Variants in KIF13B observed in about 807,000 individuals in gnomAD.
KIF13B encodes the protein kinesin-like protein KIF13B.
KIF13B carries 127 observed loss-of-function variants against 222.0 expected under a neutral mutation model. The ratio of observed to expected loss-of-function variants is 0.57; its 90% CI spans 0.50 to 0.66. KIF13B has a LOEUF of 0.66. KIF13B is among the 30% of genes least tolerant of loss of function. The pLI is 0.00. For missense variants in KIF13B, 2,173 were observed against 2,379.0 expected, an observed-to-expected ratio of 0.91 and a Z score of 1.80; for synonymous variants, 976 against 919.0, an observed-to-expected ratio of 1.06 and a Z score of -1.12.
intron 2 of KIF13B, among the ~76,000 whole-genome samples, chr8:29,226,761 C>T (rs1255385833): frequency 1.3e-5 from 2 of 152,198 alleles, no homozygotes; most frequent in Non-Finnish European, 2.9e-5. Flanking sequence ...TAAATTTTCA[C>T]TTTCATTTTG....
intron 2 of KIF13B, among the ~76,000 whole-genome samples, chr8:29,198,790 C>T (rs560148007): frequency 6.6e-6 from 1 of 152,234 alleles, no homozygotes; most frequent in East Asian, 1.9e-4. Context: ...GAGCTGGAGG[C>T]CACTATTCTA....
At position 29,071,074 on chromosome 8, in the gene KIF13B, T is replaced by C. The variant is rs548548513; in HGVS notation, c.5219-308A>G. On this transcript the variant is annotated intron_variant, in intron 39 of 39. Coordinates refer to ENST00000524189, the MANE Select transcript of KIF13B (RefSeq NM_015254.4). This position sits in a 1 kb window ranked among gnomAD's most constrained non-coding sequence, Gnocchi z 4.9. The stretch of plus-strand genomic sequence containing the variant: ...GGGGAGTGCCTTGTGGAAGCATAGG[T>C]GCAGGCCAGCCACTAAGGCACAACC... Among the ~76,000 whole-genome samples, 68 of 152,212 alleles carry C rather than the reference T, an allele frequency of 4.5e-4. No individual in the cohort carries two copies. Among genetic ancestry groups the C allele is most frequent in the Middle Eastern group, 6.8e-3 (2 of 294 alleles).
At chr8:29,152,100 G>A (rs1426633219) in intron 14 of KIF13B, among the ~76,000 whole-genome samples, 1 of 152,196 alleles carries the variant, frequency 6.6e-6, no homozygotes, top group Non-Finnish European at 1.5e-5. Context: ...TGCAGGTGTG[G>A]TGGAAATAGC....
At chr8:29,136,782 A>T (rs186246977) in intron 21 of KIF13B, among the ~76,000 whole-genome samples, 1 of 147,974 alleles carries the variant, frequency 6.8e-6, no homozygotes, top group East Asian at 2.0e-4. Context: ...GAAATGAAAG[A>T]GACCTGTAAC....
rs1173538016 is a variant in KIF13B at position 29,250,076 on chromosome 8, C to G, written c.56-4637G>C. 3.1e-6 allele frequency: 4 copies of G among 1,285,060 alleles called. No individual in the cohort carries two copies. In the African/African-American group the frequency reaches 6.1e-5, roughly 20 times the overall value. 79.6% of individuals were successfully genotyped at this position (1,285,060 alleles called of 1,614,324 possible). ...CCATATTGTATCAGCTGGCTCCTTACAGTCAAATCTGTATCATACACAAGC... is the reference window on the plus strand; with the variant it reads ...CCATATTGTATCAGCTGGCTCCTTAGAGTCAAATCTGTATCATACACAAGC... On this transcript the variant is annotated intron_variant, in intron 1 of 39. Coordinates refer to ENST00000524189, the MANE Select transcript of KIF13B (RefSeq NM_015254.4).
intron 1 of KIF13B, among the ~76,000 whole-genome samples, chr8:29,247,619 A>G (rs989373647): frequency 1.6e-4 from 24 of 151,996 alleles, no homozygotes; most frequent in Admixed American, 1.2e-3. Context: ...GCTTGAGCAC[A>G]GGAGTTTGAG....
At chr8:29,157,392 CAA>C (rs371702237) in intron 13 of KIF13B, among the ~76,000 whole-genome samples, 2,357 of 89,104 alleles carry the variant, frequency 0.026, 28 homozygotes, top group Admixed American at 0.03. Context: ...TCGTCTCTAC[CAA>C]AAAAAAAAAA....
intron 35 of KIF13B, 106 bp downstream of exon 35, chr8:29,108,033 G>T: frequency 1.2e-6 from 1 of 865,040 alleles, no homozygotes; most frequent in Non-Finnish European, 1.9e-6. Flanking sequence ...TAATACAGAT[G>T]AGTAGAGGAA....
At chr8:29,137,255 C>G (rs1810606413) in intron 21 of KIF13B, among the ~76,000 whole-genome samples, 1 of 152,200 alleles carries the variant, frequency 6.6e-6, no homozygotes, top group Non-Finnish European at 1.5e-5. Flanking sequence ...CGCCTATGGG[C>G]AACCTCTCAG....
At chr8:29,255,122 AG>A (rs1178413569) in intron 1 of KIF13B, among the ~76,000 whole-genome samples, 1 of 152,198 alleles carries the variant, frequency 6.6e-6, no homozygotes, top group Non-Finnish European at 1.5e-5. Flanking sequence ...AGTGGTTGCC[AG>A]GGGCTGGGAA....
intron 1 of KIF13B, among the ~76,000 whole-genome samples, chr8:29,245,856 T>C (rs1815997729): frequency 6.6e-6 from 1 of 152,118 alleles, no homozygotes; most frequent in Admixed American, 6.5e-5. Flanking sequence ...CAAGAATATA[T>C]AAAAATCAGT....
chr8:29,209,158 A>C (rs186858683), intron 2 of KIF13B, among the ~76,000 whole-genome samples: 1 of 152,214 alleles, frequency 6.6e-6, no homozygotes, highest in African/African-American at 2.4e-5. Context: ...GGTAACTTTA[A>C]AAGACACTGA....
intron 25 of KIF13B, 28 bp downstream of exon 25, chr8:29,127,094 G>A (rs767052167): frequency 1.3e-5 from 21 of 1,603,548 alleles, no homozygotes; most frequent in Admixed American, 3.4e-5. Context: ...TGTCTTTCAA[G>A]AAGAACATAA....
chr8:29,119,959 T>C (rs1158005839), intron 29 of KIF13B, among the ~76,000 whole-genome samples: 3 of 152,228 alleles, frequency 2.0e-5, no homozygotes, highest in East Asian at 1.9e-4. Flanking sequence ...CACTCATCTA[T>C]TAAGGAGAGT....
chr8:29,108,732 C>G (rs891781537), intron 34 of KIF13B, among the ~76,000 whole-genome samples: 7 of 152,208 alleles, frequency 4.6e-5, no homozygotes, highest in Non-Finnish European at 8.8e-5. Context: ...CGTGAAACTC[C>G]TCCTATCACT....
intron 1 of KIF13B, among the ~76,000 whole-genome samples, chr8:29,261,178 G>A (rs535600728): frequency 1.3e-5 from 2 of 152,270 alleles, no homozygotes; most frequent in African/African-American, 4.8e-5. Context: ...CTCTATATAG[G>A]CTAATGGAAT....
intron 34 of KIF13B, among the ~76,000 whole-genome samples, chr8:29,108,627 G>A (rs931092433): frequency 6.6e-6 from 1 of 152,212 alleles, no homozygotes; most frequent in Admixed American, 6.5e-5. Context: ...ATATGTCAGT[G>A]TATTTTAATA....
At chr8:29,099,671 C>A (rs975656570) in intron 35 of KIF13B, among the ~76,000 whole-genome samples, 11 of 152,138 alleles carry the variant, frequency 7.2e-5, no homozygotes, top group African/African-American at 2.7e-4. Context: ...CATGCCCGAT[C>A]AGCACTTTTC....
intron 18 of KIF13B, among the ~76,000 whole-genome samples, chr8:29,144,717 T>C (rs914571605): frequency 1.3e-5 from 2 of 152,182 alleles, no homozygotes; most frequent in African/African-American, 4.8e-5. Flanking sequence ...GCAGCTACCA[T>C]AACTTAGCCC....
Sources: allele counts gnomAD v4.1 joint callset (sites outside exome capture counted in the v4.1 genomes callset), GRCh38; gene constraint gnomAD v4.1.1; non-coding constraint Gnocchi (gnomAD v3.1); transcripts MANE v1.5; gene names NCBI Gene and HGNC (gene_info 2026-07-23, HGNC 2026-07-21).